Variants in ADCY10 observed in about 807,000 individuals in gnomAD.
The protein encoded by ADCY10 is adenylate cyclase 10, also known as adenylate cyclase type 10.
In ADCY10, 156 loss-of-function variants were observed where a neutral mutation model predicts 183.3. The ratio of observed to expected loss-of-function variants is 0.85; its 90% confidence interval spans 0.75 to 0.97. ADCY10 has a LOEUF of 0.97. Ranked by LOEUF, ADCY10 falls within the 50% of genes least tolerant of loss-of-function variation. The pLI, the probability that ADCY10 is intolerant of heterozygous loss-of-function variation, is 0.00. For missense variants in ADCY10, 1,745 were observed against 1,934.3 expected (o/e 0.90, Z 1.84); for synonymous variants, 645 against 670.0 (o/e 0.96, Z 0.58).
intron 14 of ADCY10, among the ~76,000 whole-genome samples, chr1:167,869,715 TACTC>T (rs1014797003): frequency 1.2e-4 from 19 of 152,206 alleles, no homozygotes; most frequent in Admixed American, 2.6e-4. Context: ...CCCCCTGGCT[TACTC>T]AATCGATCAC....
chr1:167,901,892 A>G lies in ADCY10; in HGVS notation c.293-87T>C. On this transcript the variant is annotated intron_variant, in intron 4 of 32. Coordinates refer to ENST00000367851, the MANE Select transcript of ADCY10 (RefSeq NM_018417.6). ...AGATCTGTATAGAAACTTACTCATCAAGCATTCCTCAGCCTATCTCCTGGC... is the reference window on the plus strand; with the variant it reads ...AGATCTGTATAGAAACTTACTCATCGAGCATTCCTCAGCCTATCTCCTGGC... 4 of 1,611,662 alleles carry G rather than the reference A, an allele frequency of 2.5e-6. No homozygotes were observed. The South Asian group carries it at 4.4e-5, about 18-fold the overall frequency.
intron 17 of ADCY10, 109 bp downstream of exon 17, chr1:167,856,056 A>G: frequency 1.6e-6 from 2 of 1,266,788 alleles, no homozygotes; most frequent in Non-Finnish European, 2.2e-6. Flanking sequence ...GGGGCCAGGA[A>G]AGATACTGAA....
chr1:167,858,678 G>A (rs1352357266), intron 16 of ADCY10, among the ~76,000 whole-genome samples: 6 of 152,088 alleles, frequency 3.9e-5, no homozygotes, highest in Non-Finnish European at 8.8e-5. Context: ...AGTGATCTGG[G>A]GAAGTTCTCA....
At chr1:167,893,247 T>C (rs1157130202) in intron 8 of ADCY10, among the ~76,000 whole-genome samples, 1 of 152,214 alleles carries the variant, frequency 6.6e-6, no homozygotes, top group African/African-American at 2.4e-5. Context: ...ATGTGGCATA[T>C]AGAAAGGGTG....
intron 9 of ADCY10, among the ~76,000 whole-genome samples, chr1:167,881,854 A>G (rs1166068695): frequency 2.6e-5 from 4 of 152,196 alleles, no homozygotes; most frequent in Admixed American, 1.3e-4. Context: ...TATGATACCC[A>G]TGGGTCAGTA....
At chr1:167,892,713 C>G (rs932436022) in intron 8 of ADCY10, among the ~76,000 whole-genome samples, 1 of 152,258 alleles carries the variant, frequency 6.6e-6, no homozygotes, top group African/African-American at 2.4e-5. Context: ...TGATACCTCT[C>G]CAATTCACTC....
At chr1:167,888,473 C>G (rs2102314228) in intron 8 of ADCY10, among the ~76,000 whole-genome samples, 1 of 151,912 alleles carries the variant, frequency 6.6e-6, no homozygotes, top group East Asian at 1.9e-4. Context: ...CGGTAGAGAT[C>G]TTTCACTTCT....
At chr1:167,859,505 A>G (rs1413861799) in intron 16 of ADCY10, among the ~76,000 whole-genome samples, 1 of 152,226 alleles carries the variant, frequency 6.6e-6, no homozygotes, top group Admixed American at 6.5e-5. Flanking sequence ...GTCTGACGAC[A>G]GAGCCTGCAT....
chr1:167,817,908 G>C (rs1188013367), intron 31 of ADCY10, among the ~76,000 whole-genome samples, 164 bp downstream of exon 31: 1 of 152,206 alleles, frequency 6.6e-6, no homozygotes, highest in Non-Finnish European at 1.5e-5. Flanking sequence ...GAGTAGTAAG[G>C]TTATGGGCAA....
intron 21 of ADCY10, among the ~76,000 whole-genome samples, chr1:167,841,681 G>A (rs1027415795): frequency 4.6e-5 from 7 of 151,474 alleles, no homozygotes; most frequent in Non-Finnish European, 1.0e-4. Flanking sequence ...TAAGAGATGG[G>A]GTCTTGCTAT....
In ADCY10 at chr1:167,833,084, GA is replaced by G; in HGVS notation, c.3495del (p.Pro1166LeufsTer4). 6.2e-7 allele frequency: 1 copy of G among 1,614,158 alleles called. No homozygotes were observed. The highest frequency in any genetic ancestry group is 8.5e-7 in the Non-Finnish European group (1 of 1,180,026). On this transcript the variant is annotated frameshift_variant, in exon 25 of 33. Transcript: ENST00000367851. LOFTEE classifies it high-confidence loss of function. ...AGAAACAAGGAGATTAAGTTGTAAGGAAAGATTCGGTTGAGGAGCTTCAGTG... is the reference window on the plus strand; with the variant it reads ...AGAAACAAGGAGATTAAGTTGTAAGGAAGATTCGGTTGAGGAGCTTCAGTG... ...RKALKLLNRI[F>X]PYNLISLFLH... is the part of the protein sequence containing the mutation.
chr1:167,893,528 C>T (rs1668740171), intron 8 of ADCY10, among the ~76,000 whole-genome samples: 1 of 151,834 alleles, frequency 6.6e-6, no homozygotes, highest in Non-Finnish European at 1.5e-5. Context: ...GTCAGGCCAA[C>T]ATGGTGAAGC....
intron 9 of ADCY10, among the ~76,000 whole-genome samples, chr1:167,883,060 C>A (rs556373501): frequency 1.3e-5 from 2 of 152,176 alleles, no homozygotes; most frequent in Non-Finnish European, 2.9e-5. Flanking sequence ...TTAGTTGAGA[C>A]GGAGTCTCAC....
intron 18 of ADCY10, among the ~76,000 whole-genome samples, chr1:167,853,900 G>T (rs538182859): frequency 7.5e-6 from 1 of 134,056 alleles, no homozygotes; most frequent in Non-Finnish European, 1.5e-5. Flanking sequence ...GTGCAGTGGT[G>T]CAATCTCAGC....
chr1:167,837,765 T>G (rs183156495), intron 21 of ADCY10, among the ~76,000 whole-genome samples: 3 of 152,308 alleles, frequency 2.0e-5, no homozygotes, highest in Admixed American at 6.5e-5. Context: ...TTATCCTAAC[T>G]CATTTATTCT....
At chr1:167,850,427 G>A (rs1665378737) in intron 18 of ADCY10, among the ~76,000 whole-genome samples, 1 of 152,132 alleles carries the variant, frequency 6.6e-6, no homozygotes, top group African/African-American at 2.4e-5. Flanking sequence ...GTTAGGGTTC[G>A]ACACACACGA....
In ADCY10 at chr1:167,875,326, C is replaced by T. The variant is rs77409274; in HGVS notation, c.1407-140G>A. The T allele has an allele frequency of 0.019, 15,269 of 812,752 alleles. 284 individuals carry two copies. The highest frequency in any genetic ancestry group is 0.093 in the East Asian group (3,486 of 37,472). 50.3% of individuals were successfully genotyped at this position (812,752 alleles called of 1,614,324 possible). On this transcript the variant is annotated intron_variant, in intron 12 of 32. Transcript: ENST00000367851. ...TATCCCCTGACTCACGGGTCGCAAA[C>T]GCCAAAAGAAGGAGAAACGAGAAGG...
intron 21 of ADCY10, among the ~76,000 whole-genome samples, chr1:167,842,806 G>A (rs1438083527): frequency 6.6e-6 from 1 of 152,126 alleles, no homozygotes; most frequent in African/African-American, 2.4e-5. Context: ...GCCATAGCCA[G>A]AAAACAGATG....
chr1:167,826,737 C>G (rs1252522480), intron 26 of ADCY10, among the ~76,000 whole-genome samples: 7 of 152,132 alleles, frequency 4.6e-5, no homozygotes, highest in African/African-American at 1.4e-4. Context: ...GACCAAGAAC[C>G]AATGCAGGAG....
Sources: allele counts gnomAD v4.1 joint callset (sites outside exome capture counted in the v4.1 genomes callset), GRCh38; gene constraint gnomAD v4.1.1; transcripts MANE v1.5; gene names NCBI Gene and HGNC (gene_info 2026-07-23, HGNC 2026-07-21).